SLC8A1: variants seen among roughly 807,000 people sequenced by gnomAD.
The protein encoded by SLC8A1 is sodium/calcium exchanger 1.
Under a neutral mutation model 68.3 loss-of-function variants are expected in SLC8A1, and 18 were observed. That is an observed-to-expected ratio of 0.26 (90% CI 0.18 to 0.39). SLC8A1 has a LOEUF of 0.39. Ranked by LOEUF, SLC8A1 falls within the 10% of genes least tolerant of loss-of-function variation. The pLI is 1.00. For synonymous variants in SLC8A1, 475 were observed against 415.5 expected, an observed-to-expected ratio of 1.14 and a Z score of -1.74; for missense variants, 985 against 1,156.7, an observed-to-expected ratio of 0.85 and a Z score of 2.15.
chr2:40,486,090 T>A (rs1028018436), intron 1 of SLC8A1, among the ~76,000 whole-genome samples: 4 of 152,140 alleles, frequency 2.6e-5, no homozygotes, highest in African/African-American at 9.7e-5. Flanking sequence ...AGTGAGTGAG[T>A]TCTCATGAGA....
intron 6 of SLC8A1, among the ~76,000 whole-genome samples, chr2:40,150,736 G>A (rs182485417): frequency 3.3e-5 from 5 of 152,314 alleles, no homozygotes; most frequent in Admixed American, 1.3e-4. Context: ...ACAGACCAAT[G>A]AGCCAATATT....
chr2:40,333,483 T>G (rs2076649988), intron 2 of SLC8A1, among the ~76,000 whole-genome samples: 1 of 151,508 alleles, frequency 6.6e-6, no homozygotes, highest in African/African-American at 2.4e-5. Flanking sequence ...AAAAAGTGTC[T>G]TTTATTCCCA....
At chr2:40,152,385 C>G (rs1281244758) in intron 6 of SLC8A1, among the ~76,000 whole-genome samples, 1 of 152,042 alleles carries the variant, frequency 6.6e-6, no homozygotes, top group Non-Finnish European at 1.5e-5. Flanking sequence ...AGGCGTGAGA[C>G]TTGTAGTTTG....
chr2:40,132,056 T>C (rs1027348235), intron 7 of SLC8A1, among the ~76,000 whole-genome samples: 1 of 152,060 alleles, frequency 6.6e-6, no homozygotes, highest in African/African-American at 2.4e-5. Flanking sequence ...TAATAGTTCC[T>C]GACCTTGAAG....
chr2:40,365,580 T>C (rs1193383742), intron 2 of SLC8A1, among the ~76,000 whole-genome samples: 2 of 152,110 alleles, frequency 1.3e-5, no homozygotes, highest in Non-Finnish European at 2.9e-5. Flanking sequence ...TTGGAAGCTT[T>C]CTTCAGAAAT....
At chr2:40,443,577 T>C (rs771249528) in intron 1 of SLC8A1, among the ~76,000 whole-genome samples, 21 of 152,144 alleles carry the variant, frequency 1.4e-4, no homozygotes, top group Non-Finnish European at 2.8e-4. Flanking sequence ...CTTCTATAAT[T>C]TATACAAGAC....
chr2:40,213,751 A>G (rs1012259545), intron 2 of SLC8A1, among the ~76,000 whole-genome samples: 1 of 152,206 alleles, frequency 6.6e-6, no homozygotes, highest in Non-Finnish European at 1.5e-5. Context: ...AGCTGGTACA[A>G]CAGAAACTAG....
chr2:40,484,947 T>A (rs1158147920), intron 1 of SLC8A1, among the ~76,000 whole-genome samples: 7 of 152,208 alleles, frequency 4.6e-5, no homozygotes, highest in Non-Finnish European at 1.0e-4. Flanking sequence ...TAATGTTACG[T>A]GATGAAGTCT....
At chr2:40,369,378 T>C (rs948321082) in intron 2 of SLC8A1, among the ~76,000 whole-genome samples, 1 of 152,082 alleles carries the variant, frequency 6.6e-6, no homozygotes, top group African/African-American at 2.4e-5. Flanking sequence ...TGAAAACCAT[T>C]AGCGGAATAC....
intron 2 of SLC8A1, among the ~76,000 whole-genome samples, chr2:40,280,361 A>C (rs1166381457): frequency 6.6e-6 from 1 of 152,170 alleles, no homozygotes; most frequent in Non-Finnish European, 1.5e-5. Flanking sequence ...AAAAGTAACA[A>C]AAACCCATTT....
At chr2:40,378,838 T>G (rs1365294078) in intron 2 of SLC8A1, among the ~76,000 whole-genome samples, 2 of 152,082 alleles carry the variant, frequency 1.3e-5, no homozygotes, top group African/African-American at 4.8e-5. Flanking sequence ...TTTGCTGAGG[T>G]TGAGCTCAAT....
Position 40,391,438 on chromosome 2 carries a change from C to G in SLC8A1, c.1808+37035G>C, listed in dbSNP as rs185870841. Among the ~76,000 whole-genome samples the G allele has an allele frequency of 1.7e-3, 253 of 151,824 alleles. 1 individual carries two copies. Among genetic ancestry groups the G allele is most frequent in the African/African-American group, 5.9e-3 (244 of 41,314 alleles). ...CTCTAATCTCCTATTTGAAGAAAAT[C>G]CAATTGTTCTGGCTGGTGGCAAACT... On this transcript the variant is annotated intron_variant, in intron 2 of 7. Coordinates refer to ENST00000406785, the Ensembl canonical transcript of SLC8A1.
intron 2 of SLC8A1, among the ~76,000 whole-genome samples, chr2:40,301,132 G>T (rs76756421): frequency 0.028 from 4,303 of 152,136 alleles, 209 homozygotes; most frequent in African/African-American, 0.099. Context: ...TCCATGACCT[G>T]GGATAAAAAC....
chr2:40,172,685 G>A (rs1573539894), intron 4 of SLC8A1, among the ~76,000 whole-genome samples: 1 of 152,178 alleles, frequency 6.6e-6, no homozygotes, highest in South Asian at 2.1e-4. Flanking sequence ...GCTCACGCCT[G>A]TAATCCCAGC....
chr2:40,297,176 C>T (rs774529953), intron 2 of SLC8A1, among the ~76,000 whole-genome samples: 1 of 152,030 alleles, frequency 6.6e-6, no homozygotes, highest in African/African-American at 2.4e-5. Flanking sequence ...CCTATTCATC[C>T]CTTAATTCTG....
chr2:40,497,722 T>G (rs1705802565), intron 1 of SLC8A1, among the ~76,000 whole-genome samples: 3 of 152,048 alleles, frequency 2.0e-5, no homozygotes, highest in Non-Finnish European at 4.4e-5. Flanking sequence ...AGAGACAAAC[T>G]TAGGGCTACT....
At chr2:40,394,444 T>A (rs140887560) in intron 2 of SLC8A1, among the ~76,000 whole-genome samples, 2 of 151,766 alleles carry the variant, frequency 1.3e-5, no homozygotes, top group Non-Finnish European at 2.9e-5. Context: ...TTTCTGTTAG[T>A]GTGTGTGTGT....
At chr2:40,130,139 C>A (rs2039035493) in intron 7 of SLC8A1, among the ~76,000 whole-genome samples, 1 of 152,208 alleles carries the variant, frequency 6.6e-6, no homozygotes, top group Non-Finnish European at 1.5e-5. Context: ...AAAACTCTTC[C>A]TTTGAGGAGA....
chr2:40,401,551 GAATT>G (rs1688714810), intron 2 of SLC8A1, among the ~76,000 whole-genome samples: 1 of 82,112 alleles, frequency 1.2e-5, no homozygotes, highest in Non-Finnish European at 2.2e-5. Flanking sequence ...AACTAGTTTT[GAATT>G]AATAGGCCAG....
Sources: gnomAD v4.1 joint callset for allele counts (sites outside exome capture counted in the v4.1 genomes callset) on GRCh38, gnomAD v4.1.1 for gene constraint, MANE v1.5 for transcripts, NCBI Gene and HGNC (gene_info 2026-07-23, HGNC 2026-07-21) for gene names.